Variants in CNTNAP3B observed in about 807,000 individuals in gnomAD.
The protein encoded by CNTNAP3B is contactin associated protein family member 3B.
In CNTNAP3B, 25 loss-of-function variants were observed where a neutral mutation model predicts 108.9. The observed-to-expected ratio is 0.23, with a 90% CI of 0.17 to 0.32. CNTNAP3B has a LOEUF of 0.32. CNTNAP3B is among the 10% of genes least tolerant of loss of function. The pLI, the probability that CNTNAP3B is intolerant of heterozygous loss-of-function variation, is 1.00. For missense variants in CNTNAP3B, 252 were observed against 1,210.4 expected (o/e 0.21, Z 11.75); for synonymous variants, 103 against 473.4 (o/e 0.22, Z 10.16).
At chr9:41,941,528 C>A (rs1357908899) in intron 13 of CNTNAP3B, among the ~76,000 whole-genome samples, 1 of 148,248 alleles carries the variant, frequency 6.7e-6, no homozygotes, top group Admixed American at 6.7e-5. Context: ...AAAAATGAGG[C>A]AAAAATTGAG....
rs1336116512 is a variant in CNTNAP3B, at chr9:42,107,114, T to G, written c.86-2375A>C. ...TGGGCATTTCACGTGTCCCTGGGAT[T>G]CCTGGCTGACATGTCTAACTCTCTC... is the stretch of plus-strand genomic sequence containing the variant. On this transcript the variant is annotated intron_variant, in intron 1 of 23. Coordinates refer to ENST00000377561, the MANE Select transcript of CNTNAP3B (RefSeq NM_001201380.3). Among the ~76,000 whole-genome samples the G allele has an allele frequency of 2.3e-5, 2 of 87,408 alleles. 1 individual carries two copies. Among genetic ancestry groups the G allele is most frequent in the Non-Finnish European group, 4.7e-5 (2 of 42,604 alleles). The allele number at this position is 87,408 out of a possible 152,430, so 57.3% of individuals were successfully genotyped here.
intron 12 of CNTNAP3B, 138 bp from the exon 13 acceptor site, chr9:41,953,524 A>C: frequency 1.1e-6 from 1 of 882,568 alleles, no homozygotes; most frequent in East Asian, 2.7e-5. Context: ...GAGGAGTTGG[A>C]CCTGTGTAAC....
intron 3 of CNTNAP3B, among the ~76,000 whole-genome samples, chr9:42,044,678 A>G (rs952207527): frequency 2.0e-5 from 3 of 147,752 alleles, no homozygotes; most frequent in African/African-American, 7.7e-5. Flanking sequence ...CACACAGAGA[A>G]CTAGAAAAGA....
intron 3 of CNTNAP3B, among the ~76,000 whole-genome samples, chr9:42,044,268 G>C (rs1235416336): frequency 2.0e-5 from 3 of 151,268 alleles, no homozygotes; most frequent in Non-Finnish European, 2.9e-5. Flanking sequence ...TTCATCACAG[G>C]TGTGTATGTA....
At chr9:42,103,205 A>G (rs1828030877) in intron 2 of CNTNAP3B, among the ~76,000 whole-genome samples, 2 of 142,416 alleles carry the variant, frequency 1.4e-5, no homozygotes, top group Non-Finnish European at 3.0e-5. Context: ...GCTCTGCAGC[A>G]ATAGAATCTA....
chr9:41,928,214 T>C (rs2645520), intron 15 of CNTNAP3B, among the ~76,000 whole-genome samples: 5 of 152,248 alleles, frequency 3.3e-5, no homozygotes, highest in African/African-American at 7.2e-5. Flanking sequence ...ACAAAATTTC[T>C]GGGTCAGAGT....
chr9:42,067,602 C>T (rs1358771425), intron 3 of CNTNAP3B, among the ~76,000 whole-genome samples: 3 of 151,464 alleles, frequency 2.0e-5, no homozygotes, highest in African/African-American at 7.3e-5. Context: ...CAACTTTATA[C>T]ATAGTTTATA....
intron 8 of CNTNAP3B, among the ~76,000 whole-genome samples, chr9:41,991,092 G>T (rs1395085855): frequency 2.3e-5 from 3 of 130,868 alleles, no homozygotes; most frequent in Admixed American, 7.7e-5. Flanking sequence ...ATTCTTCCAG[G>T]GTGCCCGGCT....
intron 12 of CNTNAP3B, among the ~76,000 whole-genome samples, chr9:41,956,553 A>G (rs551867777): frequency 2.6e-5 from 4 of 151,792 alleles, no homozygotes; most frequent in Non-Finnish European, 4.4e-5. Flanking sequence ...CATCTGGTAT[A>G]CCCATTCCTA....
intron 12 of CNTNAP3B, among the ~76,000 whole-genome samples, chr9:41,957,904 G>T (rs1018555132): frequency 6.6e-6 from 1 of 150,854 alleles, no homozygotes; most frequent in South Asian, 2.1e-4. Context: ...GGGACTACAG[G>T]CACCCGCCAC....
intron 2 of CNTNAP3B, among the ~76,000 whole-genome samples, chr9:42,098,764 C>A (rs1174682302): frequency 1.6e-5 from 2 of 128,416 alleles, no homozygotes; most frequent in Non-Finnish European, 3.3e-5. Flanking sequence ...TCAGGACAAT[C>A]AGGCACAGAT....
chr9:41,956,220 A>T (rs1824853097), intron 12 of CNTNAP3B, among the ~76,000 whole-genome samples: 1 of 152,020 alleles, frequency 6.6e-6, no homozygotes. Context: ...CCCTATCTCT[A>T]CTAAAAATAC....
chr9:42,109,441 TG>T (rs1210810952), intron 1 of CNTNAP3B, among the ~76,000 whole-genome samples: 1 of 134,004 alleles, frequency 7.5e-6, no homozygotes, highest in Non-Finnish European at 1.6e-5. Context: ...ATAATAAGAA[TG>T]AAAAAAAAAA....
intron 11 of CNTNAP3B, among the ~76,000 whole-genome samples, chr9:41,961,161 C>T (rs1340996737): frequency 6.6e-6 from 1 of 152,302 alleles, no homozygotes; most frequent in Non-Finnish European, 1.5e-5. Context: ...TATTCGGTCA[C>T]AGTGTATTTC....
chr9:42,075,457 A>C (rs565444932), intron 3 of CNTNAP3B, among the ~76,000 whole-genome samples: 1 of 137,544 alleles, frequency 7.3e-6, no homozygotes, highest in South Asian at 2.4e-4. Flanking sequence ...CTCCTACACG[A>C]GGTAAGATCA....
intron 3 of CNTNAP3B, among the ~76,000 whole-genome samples, chr9:42,033,262 G>A: frequency 6.7e-6 from 1 of 149,118 alleles, no homozygotes; most frequent in Non-Finnish European, 1.5e-5. Flanking sequence ...CTTACTGAAG[G>A]CAATTTTGAG....
At chr9:41,924,541 A>G (rs1199954062) in intron 15 of CNTNAP3B, among the ~76,000 whole-genome samples, 2 of 152,100 alleles carry the variant, frequency 1.3e-5, no homozygotes. Context: ...AGTTTGGGAC[A>G]TGTTTCATTT....
Position 42,064,398 on chromosome 9 carries a change from C to T in CNTNAP3B, c.390+12471G>A, listed in dbSNP as rs1827232126. Among the ~76,000 whole-genome samples the T allele has an allele frequency of 6.1e-5, 2 of 32,622 alleles. 1 individual carries two copies. Among genetic ancestry groups the T allele is most frequent in the African/African-American group, 1.8e-4 (2 of 10,938 alleles). The allele number at this position is 32,622 out of a possible 152,430, so 21.4% of individuals were successfully genotyped here. ...TCCTTTTATAAGAAACCTACTCCCT[C>T]ATAACATAAATTTTGAGGGACACAT... On this transcript the variant is annotated intron_variant, in intron 3 of 23. Coordinates refer to ENST00000377561, the MANE Select transcript of CNTNAP3B (RefSeq NM_001201380.3).
intron 11 of CNTNAP3B, among the ~76,000 whole-genome samples, chr9:41,964,291 T>C (rs1157638249): frequency 6.6e-6 from 1 of 152,134 alleles, no homozygotes; most frequent in Non-Finnish European, 1.5e-5. Flanking sequence ...CTGATTCTCC[T>C]AGACTTATTT....
Sources: allele counts gnomAD v4.1 joint callset (sites outside exome capture counted in the v4.1 genomes callset), GRCh38; gene constraint gnomAD v4.1.1; transcripts MANE v1.5; gene names NCBI Gene and HGNC (gene_info 2026-07-23, HGNC 2026-07-21).